LIMD2: variants seen among roughly 807,000 people sequenced by gnomAD.
LIMD2 encodes the protein LIM domain containing 2, also known as LIM domain-containing protein 2.
Under a neutral mutation model 16.0 loss-of-function variants are expected in LIMD2, and 11 were observed. The ratio of observed to expected loss-of-function variants is 0.69; its 90% CI spans 0.43 to 1.14. The LOEUF is 1.14. LIMD2 is among the 50% of genes most tolerant of loss of function. The pLI, the probability that LIMD2 is intolerant of heterozygous loss-of-function variation, is 0.00. For synonymous variants in LIMD2, 60 were observed against 67.1 expected, an observed-to-expected ratio of 0.89 and a Z score of 0.52; for missense variants, 168 against 165.8, an observed-to-expected ratio of 1.01 and a Z score of -0.07.
At position 63,698,386 on chromosome 17, in the gene LIMD2, A is replaced by G; in HGVS notation, c.*166T>C. 1.3e-6 allele frequency: 1 copy of G among 783,848 alleles called. No homozygotes were observed. Among genetic ancestry groups the G allele is most frequent in the Non-Finnish European group, 2.0e-6 (1 of 505,214 alleles). 48.6% of individuals were successfully genotyped at this position (783,848 alleles called of 1,614,324 possible). A position where few individuals can be genotyped will look rare whatever the true frequency, so the allele number is the denominator to read the frequency against. ...AACCCTCACCGGCTGCGGGAGAAGGAAGAAGGAAGGAGTCCTGGAGCAGAG... is the reference window on the plus strand; with the variant it reads ...AACCCTCACCGGCTGCGGGAGAAGGGAGAAGGAAGGAGTCCTGGAGCAGAG... On this transcript the variant is annotated 3_prime_UTR_variant, in exon 5 of 5. Coordinates refer to ENST00000259006, the MANE Select transcript of LIMD2 (RefSeq NM_030576.4).
In LIMD2 at chr17:63,698,664, T is replaced by TG. The variant is rs1307433727; in HGVS notation, c.271dup (p.His91ProfsTer7). The TG allele has an allele frequency of 6.2e-7, 1 of 1,613,542 alleles. No homozygotes were observed. The highest frequency in any genetic ancestry group is 1.6e-4 in the Middle Eastern group (1 of 6,062). On this transcript the variant is annotated frameshift_variant, in exon 5 of 5. Transcript: ENST00000259006. LOFTEE classifies it high-confidence loss of function. ...TTTGCTCTTAAACAGCTGCTGGAAGTGGGGTTTGCAGTAGAACTCCCCGTG... is the reference window on the plus strand; with the variant it reads ...TTTGCTCTTAAACAGCTGCTGGAAGTGGGGGTTTGCAGTAGAACTCCCCGTG...
rs2035763301 is a variant in LIMD2, at chr17:63,700,110, G to A, written c.-129C>T. Reference sequence around the variant, plus strand: ...GAGGAGGGCGCGGGCGCGAGCTGCTGCCGCTACCAGTGGTCCCCGAGCCAC... The same window carrying A: ...GAGGAGGGCGCGGGCGCGAGCTGCTACCGCTACCAGTGGTCCCCGAGCCAC... On this transcript the variant is annotated 5_prime_UTR_variant, in exon 1 of 5. Coordinates refer to ENST00000259006, the MANE Select transcript of LIMD2 (RefSeq NM_030576.4). This position sits in a 1 kb window ranked among gnomAD's most constrained non-coding sequence, Gnocchi z 7.1. 4.1e-6 allele frequency: 4 copies of A among 984,940 alleles called. No individual in the cohort carries two copies. The South Asian group carries it at 1.4e-4, about 33-fold the overall frequency. The allele number at this position is 984,940 out of a possible 1,614,324, so 61.0% of individuals were successfully genotyped here.
In LIMD2 at chr17:63,698,621, C is replaced by T. The variant is rs1488112886; in HGVS notation, c.315G>A (p.Gly105=). ...LFKSKGNYDE[G]FGRKQHKELW... is the part of the protein sequence containing the mutation. ...GCTCCTTGTGCTGCTTGCGGCCAAA[C>T]CCCTCGTCGTAGTTGCCTTTGCTCT... Residue 105 remains glycine, a synonymous_variant, in exon 5 of 5, where the codon GGG becomes GGA. Transcript: ENST00000259006. 1 of 1,613,938 alleles carries T rather than the reference C, an allele frequency of 6.2e-7. No individual in the cohort carries two copies. The highest frequency in any genetic ancestry group is 8.5e-7 in the Non-Finnish European group (1 of 1,180,032).
Position 63,698,098 on chromosome 17 carries a change from G to C in LIMD2, c.*454C>G, listed in dbSNP as rs1202191355. The C allele has an allele frequency of 5.7e-6, 1 of 174,120 alleles. No individual in the cohort carries two copies. The highest frequency in any genetic ancestry group is 1.3e-5 in the Non-Finnish European group (1 of 79,998). The allele number at this position is 174,120 out of a possible 1,614,324, so 10.8% of individuals were successfully genotyped here. A position where few individuals can be genotyped will look rare whatever the true frequency, so the allele number is the denominator to read the frequency against. ...ATGATGCCCAACAGGTGGCACTGTC[G>C]CGCTCCTTCCTCCCTGTCTCCGTGG... On this transcript the variant is annotated 3_prime_UTR_variant, in exon 5 of 5. Transcript: ENST00000259006.
chr17:63,699,792 C>CCCCCCCCCCCCAG, intron 1 of LIMD2: 1 of 686,202 alleles, frequency 1.5e-6, no homozygotes, highest in Non-Finnish European at 1.8e-6. Context: ...CCCCGCCCCT[C>CCCCCCCCCCCCAG]GGCCCCCGAC....
At chr17:63,699,775 C>G in intron 1 of LIMD2, 2 of 301,420 alleles carry the variant, frequency 6.6e-6, no homozygotes, top group Non-Finnish European at 4.9e-6. Flanking sequence ...CCCGAGGTCC[C>G]CGCCCGCCCC....
rs565163807 is a variant in LIMD2, at chr17:63,699,820, G to C, written c.-51+212C>G. On this transcript the variant is annotated intron_variant, in intron 1 of 4. Coordinates refer to ENST00000259006, the MANE Select transcript of LIMD2 (RefSeq NM_030576.4). ...CCCCCGACCTGGCCCCGCGAGGACC[G>C]GACCCCAGACCCCGACGCCGCGAGC... 104 of 780,316 alleles carry C rather than the reference G, an allele frequency of 1.3e-4. 1 individual carries two copies. The African/African-American group carries it at 1.7e-3, about 13-fold the overall frequency. The allele number at this position is 780,316 out of a possible 1,614,324, so 48.3% of individuals were successfully genotyped here.
chr17:63,698,702 G>A lies in LIMD2; in HGVS notation c.234C>T (p.Ser78=), dbSNP rs1380154462. ...AGAACTCCCCGTGCAGCGCGGCGTA[G>A]CTGCCCAGGCTGCAGAAGCCAAACA... is the stretch of plus-strand genomic sequence containing the variant. The part of the protein sequence containing the change: ...KHCHTKLSLG[S]YAALHGEFYC... The change falls in exon 5 of 5, where the codon AGC becomes AGT. Residue 78 remains serine (S), a synonymous_variant. Transcript: ENST00000259006. 6.2e-7 allele frequency: 1 copy of A among 1,613,502 alleles called. No individual in the cohort carries two copies. The highest frequency in any genetic ancestry group is 1.7e-5 in the Admixed American group (1 of 60,012).
chr17:63,700,032 C>A lies in LIMD2; in HGVS notation c.-51G>T, dbSNP rs1188566544. On this transcript the variant is annotated splice_region_variant and 5_prime_UTR_variant, in exon 1 of 5. Transcript: ENST00000259006. The surrounding 1 kb of genome is among the most constrained non-coding windows in gnomAD (Gnocchi z 7.1). ...CGGCCCCTCCCCCCGCGGCTCTCAC[C>A]AGGCCCGGCCTGGGCCGCGGGGCGG... The A allele has an allele frequency of 1.0e-6, 1 of 984,108 alleles. No individual in the cohort carries two copies. The highest frequency in any genetic ancestry group is 1.8e-5 in the African/African-American group (1 of 57,076). The allele number at this position is 984,108 out of a possible 1,614,324, so 61.0% of individuals were successfully genotyped here. A position where few individuals can be genotyped will look rare whatever the true frequency, so the allele number is the denominator to read the frequency against.
chr17:63,700,517 C>G (rs1265508650), upstream of LIMD2: 2 of 152,136 alleles, frequency 1.3e-5, no homozygotes, highest in Admixed American at 6.6e-5. The surrounding 1 kb of genome is among the most constrained non-coding windows in gnomAD (Gnocchi z 7.1). Flanking sequence ...TGGGCGCTCC[C>G]GGCCTGGCTC....
At chr17:63,700,951 C>G (rs1180934571), upstream of LIMD2, 1 of 152,342 alleles carries the variant, frequency 6.6e-6, no homozygotes, top group Non-Finnish European at 1.5e-5. The surrounding 1 kb of genome is among the most constrained non-coding windows in gnomAD (Gnocchi z 7.1). Context: ...ATTCTGTGGG[C>G]AGCAACGGGG....
rs1252448428 is a variant in LIMD2, at chr17:63,697,357, A to G, written c.*1195T>C. ...CTTGCTGGGTCTGCTGGTTACCGCC[A>G]TTCTTCGCTAACTTACTTCCAGGTC... On this transcript the variant is annotated 3_prime_UTR_variant, in exon 5 of 5. Coordinates refer to ENST00000259006, the MANE Select transcript of LIMD2 (RefSeq NM_030576.4). 6.6e-6 allele frequency: 1 copy of G among 152,248 alleles called. No homozygotes were observed. The highest frequency in any genetic ancestry group is 1.5e-5 in the Non-Finnish European group (1 of 68,072). The allele number at this position is 152,248 out of a possible 1,614,324, so 9.4% of individuals were successfully genotyped here. A position where few individuals can be genotyped will look rare whatever the true frequency, so the allele number is the denominator to read the frequency against.
chr17:63,700,019 C>T lies in LIMD2; in HGVS notation c.-51+13G>A. On this transcript the variant is annotated intron_variant, in intron 1 of 4. Coordinates refer to ENST00000259006, the MANE Select transcript of LIMD2 (RefSeq NM_030576.4). The surrounding 1 kb of genome is among the most constrained non-coding windows in gnomAD (Gnocchi z 7.1). Reference sequence around the variant, plus strand: ...CCGGAGCCGGACGCGGCCCCTCCCCCCGCGGCTCTCACCAGGCCCGGCCTG... The same window carrying T: ...CCGGAGCCGGACGCGGCCCCTCCCCTCGCGGCTCTCACCAGGCCCGGCCTG... 1 of 984,206 alleles carries T rather than the reference C, an allele frequency of 1.0e-6. No homozygotes were observed. Among genetic ancestry groups the T allele is most frequent in the Non-Finnish European group, 1.2e-6 (1 of 829,338 alleles). 61.0% of individuals were successfully genotyped at this position (984,206 alleles called of 1,614,324 possible). A position where few individuals can be genotyped will look rare whatever the true frequency, so the allele number is the denominator to read the frequency against.
chr17:63,699,125 C>T (rs1219147806), intron 2 of LIMD2, 56 bp from the exon 3 acceptor site: 3 of 1,579,136 alleles, frequency 1.9e-6, no homozygotes, highest in Non-Finnish European at 2.6e-6. Flanking sequence ...TGGATCAGGG[C>T]TGCAGCCATC....
At chr17:63,699,772 TCCCCGCC>T in intron 1 of LIMD2, 1 of 329,572 alleles carries the variant, frequency 3.0e-6, no homozygotes, top group Non-Finnish European at 4.3e-6. Flanking sequence ...GCGCCCGAGG[TCCCCGCC>T]CGCCCCGCCC....
chr17:63,699,360 A>G lies in LIMD2; in HGVS notation c.-50-12T>C. On this transcript the variant is annotated splice_polypyrimidine_tract_variant and intron_variant, in intron 1 of 4. Transcript: ENST00000259006. ...GCACCCGCTGGGTTCTGCAAGGGGAAGTCAGTCGGGAGGGCCCCGCCAGCC... is the reference window on the plus strand; with the variant it reads ...GCACCCGCTGGGTTCTGCAAGGGGAGGTCAGTCGGGAGGGCCCCGCCAGCC... 1 of 1,548,168 alleles carries G rather than the reference A, an allele frequency of 6.5e-7. No individual in the cohort carries two copies. Among genetic ancestry groups the G allele is most frequent in the Non-Finnish European group, 8.7e-7 (1 of 1,147,644 alleles).
At chr17:63,699,570 T>G in intron 1 of LIMD2, 4 of 413,958 alleles carry the variant, frequency 9.7e-6, no homozygotes, top group Non-Finnish European at 1.3e-5. Flanking sequence ...AGAACAAAGT[T>G]AGCGGGAGCG....
rs1443688861 is a variant in LIMD2 at position 63,696,682 on chromosome 17, G to C, written c.*1870C>G. On this transcript the variant is annotated 3_prime_UTR_variant, in exon 5 of 5. Coordinates refer to ENST00000259006, the MANE Select transcript of LIMD2 (RefSeq NM_030576.4). ...TCCCATCTTTGCAGGGCAGGGGTCAGGTGTCTCCAAGAGCCACCTCTCCAG... is the reference window on the plus strand; with the variant it reads ...TCCCATCTTTGCAGGGCAGGGGTCACGTGTCTCCAAGAGCCACCTCTCCAG... The C allele has an allele frequency of 6.6e-6, 1 of 152,258 alleles. No homozygotes were observed. Among genetic ancestry groups the C allele is most frequent in the African/African-American group, 2.4e-5 (1 of 41,438 alleles). 9.4% of individuals were successfully genotyped at this position (152,258 alleles called of 1,614,324 possible). A position where few individuals can be genotyped will look rare whatever the true frequency, so the allele number is the denominator to read the frequency against.
At position 63,698,366 on chromosome 17, in the gene LIMD2, T is replaced by G; in HGVS notation, c.*186A>C. On this transcript the variant is annotated 3_prime_UTR_variant, in exon 5 of 5. Transcript: ENST00000259006. ...GACCCCAATCCTGGTTTCCAAACCCTCACCGGCTGCGGGAGAAGGAAGAAG... is the reference window on the plus strand; with the variant it reads ...GACCCCAATCCTGGTTTCCAAACCCGCACCGGCTGCGGGAGAAGGAAGAAG... The G allele has an allele frequency of 1.4e-6, 1 of 722,488 alleles. No homozygotes were observed. Among genetic ancestry groups the G allele is most frequent in the African/African-American group, 1.8e-5 (1 of 56,120 alleles). The allele number at this position is 722,488 out of a possible 1,614,324, so 44.8% of individuals were successfully genotyped here. A position where few individuals can be genotyped will look rare whatever the true frequency, so the allele number is the denominator to read the frequency against.
Sources: allele counts gnomAD v4.1 joint callset, GRCh38; gene constraint gnomAD v4.1.1; non-coding constraint Gnocchi (gnomAD v3.1); transcripts MANE v1.5; gene names NCBI Gene and HGNC (gene_info 2026-07-23, HGNC 2026-07-21).